The following NIBAN1 variants were observed in gnomAD, a reference collection of about 807,000 sequenced individuals.
NIBAN1 encodes the protein niban apoptosis regulator 1, also known as protein Niban 1.
In NIBAN1, 81 loss-of-function variants were observed where a neutral mutation model predicts 75.1. The ratio of observed to expected loss-of-function variants is 1.08; its 90% CI spans 0.90 to 1.30. The LOEUF (loss-of-function observed/expected upper bound fraction) is 1.30. NIBAN1 is among the 50% of genes most tolerant of loss of function. The pLI is 0.00. For missense variants in NIBAN1, 1,133 were observed against 1,128.1 expected, an observed-to-expected ratio of 1.00 and a Z score of -0.06; for synonymous variants, 436 against 424.8, an observed-to-expected ratio of 1.03 and a Z score of -0.32.
At chr1:184,937,251 C>T (rs866297811) in intron 1 of NIBAN1, among the ~76,000 whole-genome samples, 2 of 141,238 alleles carry the variant, frequency 1.4e-5, no homozygotes, top group Non-Finnish European at 3.0e-5. Context: ...CAACCTTTAA[C>T]TTCTGGGTTC....
intron 12 of NIBAN1, among the ~76,000 whole-genome samples, chr1:184,800,085 T>C (rs548112884): frequency 7.3e-6 from 1 of 136,420 alleles, no homozygotes; most frequent in Admixed American, 7.3e-5. Context: ...TATCTCATTG[T>C]GGTTTTGATT....
At chr1:184,796,728 A>G (rs1653882185) in intron 13 of NIBAN1, among the ~76,000 whole-genome samples, 1 of 152,256 alleles carries the variant, frequency 6.6e-6, no homozygotes, top group Admixed American at 6.5e-5. Context: ...GCCCAAAAAT[A>G]TCACATCTCA....
At chr1:184,972,409 T>C (rs1000979924) in intron 1 of NIBAN1, among the ~76,000 whole-genome samples, 12 of 152,230 alleles carry the variant, frequency 7.9e-5, no homozygotes, top group Non-Finnish European at 1.8e-4. Flanking sequence ...TGACCCTCAT[T>C]TGCTCATGCA....
At chr1:184,957,454 T>G (rs1008610263) in intron 1 of NIBAN1, among the ~76,000 whole-genome samples, 1 of 152,232 alleles carries the variant, frequency 6.6e-6, no homozygotes, top group Admixed American at 6.5e-5. Flanking sequence ...CACATTATAA[T>G]GCCATTGCTT....
intron 5 of NIBAN1, among the ~76,000 whole-genome samples, chr1:184,852,139 A>G (rs1034169967): frequency 3.3e-5 from 5 of 152,172 alleles, no homozygotes; most frequent in Admixed American, 6.5e-5. Flanking sequence ...TGTGATGTCA[A>G]TTGAAGAGGA....
intron 5 of NIBAN1, among the ~76,000 whole-genome samples, chr1:184,834,390 G>A (rs952054432): frequency 2.0e-5 from 3 of 152,104 alleles, no homozygotes; most frequent in African/African-American, 7.2e-5. Context: ...GGGATGGCTG[G>A]GTCAAATGGT....
At position 184,798,549 on chromosome 1, in the gene NIBAN1, A is replaced by G. The variant is rs11580363; in HGVS notation, c.1555-359T>C. On this transcript the variant is annotated intron_variant, in intron 12 of 13. Coordinates refer to ENST00000367511, the MANE Select transcript of NIBAN1 (RefSeq NM_052966.4). Reference sequence around the variant, plus strand: ...TTTTTTATCATCTCAAGGCCTCATTAGCAGGTTTGGAGCCTCCTTTTTTCC... The same window carrying G: ...TTTTTTATCATCTCAAGGCCTCATTGGCAGGTTTGGAGCCTCCTTTTTTCC... 3.4e-3 allele frequency among the ~76,000 whole-genome samples: 520 copies of G among 152,286 alleles called. 1 individual carries two copies. The highest frequency in any genetic ancestry group is 5.1e-3 in the Non-Finnish European group (349 of 68,024).
At chr1:184,913,201 A>T (rs1169832642) in intron 1 of NIBAN1, among the ~76,000 whole-genome samples, 11 of 145,672 alleles carry the variant, frequency 7.6e-5, no homozygotes, top group Admixed American at 7.5e-4. Context: ...TATATATAGG[A>T]AAAATTTGTA....
intron 1 of NIBAN1, among the ~76,000 whole-genome samples, chr1:184,918,857 C>G (rs986493031): frequency 6.6e-6 from 1 of 152,142 alleles, no homozygotes; most frequent in African/African-American, 2.4e-5. Context: ...CAGTAGCAGG[C>G]ACAGAATTGA....
intron 1 of NIBAN1, among the ~76,000 whole-genome samples, chr1:184,972,661 A>G (rs911016978): frequency 2.0e-5 from 3 of 152,234 alleles, no homozygotes; most frequent in South Asian, 4.1e-4. Context: ...TACTCATTCA[A>G]ACACTTGCAT....
chr1:184,928,532 T>C (rs976672698), intron 1 of NIBAN1, among the ~76,000 whole-genome samples: 2 of 152,186 alleles, frequency 1.3e-5, no homozygotes, highest in Non-Finnish European at 2.9e-5. Flanking sequence ...GTGATTCCCC[T>C]CTGGCTAGGG....
At chr1:184,810,339 A>T (rs1043716709) in intron 9 of NIBAN1, among the ~76,000 whole-genome samples, 28 of 152,152 alleles carry the variant, frequency 1.8e-4, no homozygotes, top group Admixed American at 5.9e-4. Flanking sequence ...CTACCCCTAG[A>T]TTTTCTGATT....
At chr1:184,929,880 A>C (rs1241817910) in intron 1 of NIBAN1, among the ~76,000 whole-genome samples, 1 of 152,236 alleles carries the variant, frequency 6.6e-6, no homozygotes, top group African/African-American at 2.4e-5. Flanking sequence ...TGTAAACATC[A>C]CATTTCATCA....
intron 6 of NIBAN1, among the ~76,000 whole-genome samples, chr1:184,827,163 C>T (rs1280908455): frequency 6.6e-6 from 1 of 152,096 alleles, no homozygotes; most frequent in Admixed American, 6.5e-5. Context: ...CATTAAAACC[C>T]TTTTTCTTTA....
At chr1:184,882,184 G>A (rs1656395596) in intron 5 of NIBAN1, among the ~76,000 whole-genome samples, 1 of 152,140 alleles carries the variant, frequency 6.6e-6, no homozygotes, top group South Asian at 2.1e-4. Context: ...CCTTATCCCA[G>A]CCCTAATTTT....
rs149043183 is a variant in NIBAN1, at chr1:184,836,297, A to G, written c.602-4335T>C. On this transcript the variant is annotated intron_variant, in intron 5 of 13. Transcript: ENST00000367511. The stretch of plus-strand genomic sequence containing the variant: ...AACAGCTGTTTTCATTTTCAACCTA[A>G]GAAAACAAAGAGATGGAAGAAAATA... Among the ~76,000 whole-genome samples, 539 of 152,322 alleles carry G rather than the reference A, an allele frequency of 3.5e-3. 6 individuals carry two copies. Among genetic ancestry groups the G allele is most frequent in the South Asian group, 0.011 (55 of 4,824 alleles).
In NIBAN1 at chr1:184,959,991, G is replaced by A. The variant is rs1571606376; in HGVS notation, c.55+14311C>T. ...CTGGGACTTCTGTTAGTCAGATATT[G>A]AAATTTTTGGATTGACCCTTTAATT... On this transcript the variant is annotated intron_variant, in intron 1 of 13. Transcript: ENST00000367511. Among the ~76,000 whole-genome samples, 3 of 152,096 alleles carry A rather than the reference G, an allele frequency of 2.0e-5. No homozygotes were observed. The East Asian group carries it at 5.8e-4, about 29-fold the overall frequency.
intron 1 of NIBAN1, among the ~76,000 whole-genome samples, chr1:184,931,303 A>G (rs1298088078): frequency 6.6e-6 from 1 of 152,068 alleles, no homozygotes; most frequent in Non-Finnish European, 1.5e-5. Flanking sequence ...CCCAGCCCTC[A>G]TTTTAACCTC....
At chr1:184,869,423 A>C (rs1172159755) in intron 5 of NIBAN1, among the ~76,000 whole-genome samples, 1 of 152,206 alleles carries the variant, frequency 6.6e-6, no homozygotes, top group Non-Finnish European at 1.5e-5. Flanking sequence ...GATTATTTTC[A>C]AAAAGGAAAT....
Sources: allele counts gnomAD v4.1 joint callset (sites outside exome capture counted in the v4.1 genomes callset), GRCh38; gene constraint gnomAD v4.1.1; transcripts MANE v1.5; gene names NCBI Gene and HGNC (gene_info 2026-07-23, HGNC 2026-07-21).